RABGAP1L: variants seen among roughly 807,000 people sequenced by gnomAD.
RABGAP1L encodes the protein RAB GTPase activating protein 1 like.
A neutral mutation model predicts 137.7 loss-of-function variants in RABGAP1L; 63 were observed. That is an observed-to-expected ratio of 0.46 (90% CI 0.37 to 0.56). The LOEUF (loss-of-function observed/expected upper bound fraction) is 0.56, where lower values mean the gene tolerates loss of function less well. RABGAP1L is among the 20% of genes least tolerant of loss of function. The pLI, the probability that RABGAP1L is intolerant of heterozygous loss-of-function variation, is 0.00. For missense variants in RABGAP1L, 1,095 were observed against 1,244.0 expected, an observed-to-expected ratio of 0.88 and a Z score of 1.80; for synonymous variants, 431 against 433.7, an observed-to-expected ratio of 0.99 and a Z score of 0.08.
intron 17 of RABGAP1L, among the ~76,000 whole-genome samples, chr1:174,709,316 G>T (rs1464063417): frequency 1.3e-5 from 2 of 152,200 alleles, no homozygotes; most frequent in East Asian, 3.9e-4. Context: ...TACAGTGCTC[G>T]AGCTCTGCTA....
Position 174,782,347 on chromosome 1 carries a change from TC to T in RABGAP1L, c.2212-29484del, listed in dbSNP as rs1434258686. On this transcript the variant is annotated intron_variant, in intron 18 of 25. Coordinates refer to ENST00000681986, the MANE Select transcript of RABGAP1L (RefSeq NM_001366446.1). ...GAAGCAATTGTGAATGGGAATTCAC[TC>T]ATGATTTGGCTCTCTGTTTGTCTGT... is the stretch of plus-strand genomic sequence containing the variant. Among the ~76,000 whole-genome samples the T allele has an allele frequency of 2.6e-5, 4 of 152,208 alleles. No homozygotes were observed. The East Asian group carries it at 7.7e-4, about 29-fold the overall frequency.
chr1:174,782,065 A>G (rs1315776089), intron 18 of RABGAP1L, among the ~76,000 whole-genome samples: 7 of 152,196 alleles, frequency 4.6e-5, no homozygotes, highest in Admixed American at 4.6e-4. Flanking sequence ...TTTTGGTTGC[A>G]TATGAACTTT....
intron 17 of RABGAP1L, among the ~76,000 whole-genome samples, chr1:174,717,008 AT>A (rs1195437844): frequency 6.6e-6 from 1 of 152,204 alleles, no homozygotes; most frequent in Non-Finnish European, 1.5e-5. Flanking sequence ...GCAAGAATCC[AT>A]TTTATCCATA....
chr1:174,550,905 CAT>C lies in RABGAP1L; in HGVS notation c.1711-86466_1711-86465del, dbSNP rs762025918. The stretch of plus-strand genomic sequence containing the variant: ...ATATATATATATATATACACACACA[CAT>C]ATACACACACACACATATATATATA... On this transcript the variant is annotated intron_variant, in intron 13 of 25. Transcript: ENST00000681986. Among the ~76,000 whole-genome samples the C allele has an allele frequency of 4.6e-3, 377 of 81,440 alleles. 31 individuals carry two copies. The highest frequency in any genetic ancestry group is 0.025 in the African/African-American group (337 of 13,510). The allele number at this position is 81,440 out of a possible 152,430, so 53.4% of individuals were successfully genotyped here. A position where few individuals can be genotyped will look rare whatever the true frequency, so the allele number is the denominator to read the frequency against.
At chr1:174,323,638 G>A (rs1680204770) in intron 11 of RABGAP1L, among the ~76,000 whole-genome samples, 2 of 152,014 alleles carry the variant, frequency 1.3e-5, no homozygotes, top group Admixed American at 1.3e-4. Context: ...AAGCATTTTT[G>A]CAAAGTGGTT....
At chr1:174,263,873 G>A (rs992363193) in intron 7 of RABGAP1L, among the ~76,000 whole-genome samples, 5 of 151,670 alleles carry the variant, frequency 3.3e-5, no homozygotes, top group African/African-American at 9.7e-5. Context: ...TTTCTTTTTT[G>A]GGGGGCCGGG....
At chr1:174,878,740 G>A (rs74836354) in intron 19 of RABGAP1L, among the ~76,000 whole-genome samples, 11,285 of 151,912 alleles carry the variant, frequency 0.074, 614 homozygotes, top group East Asian at 0.32. Context: ...AAAGGAGAAA[G>A]CTATAGATTG....
intron 17 of RABGAP1L, among the ~76,000 whole-genome samples, chr1:174,742,997 G>A (rs538380679): frequency 1.3e-5 from 2 of 152,136 alleles, no homozygotes; most frequent in African/African-American, 2.4e-5. Context: ...CTTGACATAT[G>A]ATGAATATGT....
chr1:174,937,107 C>A (rs777885466), intron 19 of RABGAP1L, among the ~76,000 whole-genome samples: 37 of 148,622 alleles, frequency 2.5e-4, no homozygotes, highest in Non-Finnish European at 4.6e-4. Flanking sequence ...GCCTCCTGAG[C>A]AGCTGTGACT....
At chr1:174,305,995 A>G (rs989487444) in intron 11 of RABGAP1L, among the ~76,000 whole-genome samples, 1 of 151,886 alleles carries the variant, frequency 6.6e-6, no homozygotes, top group Non-Finnish European at 1.5e-5. Flanking sequence ...CTTCTCACCT[A>G]TGAGTGAGAA....
chr1:174,923,434 A>C (rs1009757279), intron 19 of RABGAP1L, among the ~76,000 whole-genome samples: 1 of 152,196 alleles, frequency 6.6e-6, no homozygotes, highest in African/African-American at 2.4e-5. Flanking sequence ...TTTTTCAAAA[A>C]CAATGAAAGG....
chr1:174,432,525 A>G (rs1021516247), intron 13 of RABGAP1L, among the ~76,000 whole-genome samples: 1 of 151,994 alleles, frequency 6.6e-6, no homozygotes, highest in African/African-American at 2.4e-5. Flanking sequence ...AGACAATGAT[A>G]TTTCTTTTCT....
At chr1:174,572,860 A>G (rs1668086765) in intron 13 of RABGAP1L, among the ~76,000 whole-genome samples, 1 of 152,210 alleles carries the variant, frequency 6.6e-6, no homozygotes, top group African/African-American at 2.4e-5. Context: ...TTGAGTTTAA[A>G]AACAAACAGT....
intron 13 of RABGAP1L, among the ~76,000 whole-genome samples, chr1:174,543,668 T>A (rs948463153): frequency 6.6e-6 from 1 of 152,222 alleles, no homozygotes. Context: ...GCTCGTTAGT[T>A]GATGCAGTTT....
chr1:174,529,419 G>A (rs1456659560), intron 13 of RABGAP1L, among the ~76,000 whole-genome samples: 1 of 152,144 alleles, frequency 6.6e-6, no homozygotes, highest in African/African-American at 2.4e-5. Flanking sequence ...CAACACCAGT[G>A]GTGTCTGTGA....
intron 17 of RABGAP1L, among the ~76,000 whole-genome samples, chr1:174,707,047 C>G (rs1680100050): frequency 6.6e-6 from 1 of 152,072 alleles, no homozygotes; most frequent in Non-Finnish European, 1.5e-5. Flanking sequence ...GTTAACGTAC[C>G]TATGCACTTC....
At chr1:174,165,331 G>T (rs766255846) in intron 1 of RABGAP1L, among the ~76,000 whole-genome samples, 5 of 152,034 alleles carry the variant, frequency 3.3e-5, no homozygotes, top group Non-Finnish European at 5.9e-5. Context: ...TGTATTTTTA[G>T]TACAGACGGG....
intron 13 of RABGAP1L, among the ~76,000 whole-genome samples, chr1:174,572,198 A>G (rs532247742): frequency 6.6e-6 from 1 of 152,238 alleles, no homozygotes; most frequent in African/African-American, 2.4e-5. Flanking sequence ...CAGTCCTTCT[A>G]CCATCTTGGA....
intron 14 of RABGAP1L, among the ~76,000 whole-genome samples, chr1:174,663,295 A>G (rs1676527707): frequency 6.6e-6 from 1 of 152,204 alleles, no homozygotes; most frequent in Admixed American, 6.5e-5. Flanking sequence ...CACTCAAATA[A>G]TTATCATACT....
Sources: gnomAD v4.1 joint callset for allele counts (sites outside exome capture counted in the v4.1 genomes callset) on GRCh38, gnomAD v4.1.1 for gene constraint, MANE v1.5 for transcripts, NCBI Gene and HGNC (gene_info 2026-07-23, HGNC 2026-07-21) for gene names.